Variants in MOGS observed in about 807,000 individuals in gnomAD.
The protein encoded by MOGS is mannosyl-oligosaccharide glucosidase.
In MOGS, 45 loss-of-function variants were observed where a neutral mutation model predicts 68.5. The ratio of observed to expected loss-of-function variants is 0.66; its 90% CI spans 0.52 to 0.84. MOGS has a LOEUF of 0.84. Ranked by LOEUF, MOGS falls within the 40% of genes least tolerant of loss-of-function variation. The pLI is 0.00. For missense variants in MOGS, 1,020 were observed against 1,095.0 expected (o/e 0.93, Z 0.97); for synonymous variants, 492 against 461.2 (o/e 1.07, Z -0.86).
At position 74,461,326 on chromosome 2, in the gene MOGS, A is replaced by G; in HGVS notation, c.2463T>C (p.Pro821=). The G allele has an allele frequency of 1.9e-6, 3 of 1,614,114 alleles. No individual in the cohort carries two copies. Among genetic ancestry groups the G allele is most frequent in the Non-Finnish European group, 2.5e-6 (3 of 1,180,040 alleles). ...AGACAAGGCTGGTCCAGCCGTGGAA[A>G]GGGCGGCAGCCCATGCCTCGCCCAT... ...DRDGRGMGCR[P]FHGWTSLVLL... is the part of the protein sequence containing the mutation. The change falls in exon 4 of 4, where the codon CCT becomes CCC. Residue 821 remains proline, a synonymous_variant. Transcript: ENST00000448666.
chr2:74,462,143 T>C lies in MOGS; in HGVS notation c.1646A>G (p.His549Arg). The C allele has an allele frequency of 1.2e-6, 2 of 1,614,000 alleles. No individual in the cohort carries two copies. The highest frequency in any genetic ancestry group is 1.3e-5 in the African/African-American group (1 of 75,042). ...TGGCAGTGGGCCTGCCTGGCTCTGA[T>C]GGAGCCAGGAAAACCAGGCATGCAG... ...PRLHAWFSWLHQSQAGPLPLS... is the reference protein window; with the variant it reads ...PRLHAWFSWLRQSQAGPLPLS... The change falls in exon 4 of 4, where the codon CAT becomes CGT. Residue 549 changes from histidine to arginine, a missense_variant. Transcript: ENST00000448666.
rs1244494488 is a variant in MOGS at position 74,465,079 on chromosome 2, T to C, written c.169A>G (p.Met57Val). 6.4e-7 allele frequency: 1 copy of C among 1,555,876 alleles called. No homozygotes were observed. The highest frequency in any genetic ancestry group is 2.4e-5 in the East Asian group (1 of 41,284). ...AVVVLSLALGMSGRWVLAWYR... is the reference protein window; with the variant it reads ...AVVVLSLALGVSGRWVLAWYR... Reference sequence around the variant, plus strand: ...CACGCCAGCACCCAGCGCCCCGACATACCCAGGGCCAAAGACAGGACCACG... The same window carrying C: ...CACGCCAGCACCCAGCGCCCCGACACACCCAGGGCCAAAGACAGGACCACG... Residue 57 changes from methionine to valine, a missense_variant, in exon 1 of 4, where the codon ATG becomes GTG. By Grantham distance (21) the Met-to-Val change is conservative (BLOSUM62 1). Around this residue, in one of 3 missense-constraint regions of MOGS, gnomAD observed 569 missense variants for 571.9 expected, o/e 0.99. Transcript: ENST00000448666.
chr2:74,463,133 G>A (rs1671975936), intron 3 of MOGS, 57 bp downstream of exon 3: 1 of 1,610,904 alleles, frequency 6.2e-7, no homozygotes. Flanking sequence ...CATGGAGACT[G>A]GTGAAAATGG....
In MOGS at chr2:74,463,472, G is replaced by T; in HGVS notation, c.580-86C>A. On this transcript the variant is annotated intron_variant, in intron 2 of 3. Transcript: ENST00000448666. ...CTCTTGAGAATCAGCCTTAGTGAGG[G>T]AAAGGAACAGTAGGCAGGGGTAATG... 4.3e-6 allele frequency: 6 copies of T among 1,383,086 alleles called. No individual in the cohort carries two copies. The South Asian group carries it at 7.1e-5, about 16-fold the overall frequency. The allele number at this position is 1,383,086 out of a possible 1,614,324, so 85.7% of individuals were successfully genotyped here.
rs764686742 is a variant in MOGS, at chr2:74,464,948, G to A, written c.300C>T (p.Arg100=). The change falls in exon 1 of 4, where the codon CGC becomes CGT. Residue 100 remains arginine (R), a synonymous_variant. Transcript: ENST00000448666. ...VAPDLFWGTY[R]PHVYFGMKTR... is the part of the protein sequence containing the mutation. ...TCTTCATGCCGAAGTAGACGTGAGG[G>A]CGGTAGGTTCCCCAGAAGAGGTCCG... 1 of 1,596,660 alleles carries A rather than the reference G, an allele frequency of 6.3e-7. No homozygotes were observed. The highest frequency in any genetic ancestry group is 2.3e-5 in the East Asian group (1 of 44,134).
In MOGS at chr2:74,461,589, AG is replaced by A. The variant is rs1273613137; in HGVS notation, c.2199del (p.Ser734ProfsTer59). The A allele has an allele frequency of 6.2e-7, 1 of 1,613,950 alleles. No individual in the cohort carries two copies. The highest frequency in any genetic ancestry group is 1.7e-5 in the Admixed American group (1 of 60,016). ...WSPFGLRSLA[A>X]SSSFYGQRNS... ...TTGCGCTGGCCATAAAAGGAGCTGGAGGCTGCAAGGGAGCGTAAACCAAAGG... is the reference window on the plus strand; with the variant it reads ...TTGCGCTGGCCATAAAAGGAGCTGGAGCTGCAAGGGAGCGTAAACCAAAGG... On this transcript the variant is annotated frameshift_variant, in exon 4 of 4. Coordinates refer to ENST00000448666, the MANE Select transcript of MOGS (RefSeq NM_006302.3). LOFTEE classifies it high-confidence loss of function.
Position 74,462,713 on chromosome 2 carries a change from T to C in MOGS, c.1076A>G (p.Gln359Arg). The stretch of plus-strand genomic sequence containing the variant: ...GCCTTCAGCATGGCTCTCCAGGGCC[T>C]GGGTCAGTAGACTGCCTGCCAGTCT... ...LPRLAGSLLT[Q>R]ALESHAEGFR... is the part of the protein sequence containing the mutation. The change falls in exon 4 of 4, where the codon CAG (glutamine) becomes CGG (arginine). Residue 359 changes from glutamine (Q) to arginine (R), a missense_variant. Physicochemically the swap from Gln to Arg is conservative, Grantham distance 43 (BLOSUM62 1). Transcript: ENST00000448666. The C allele has an allele frequency of 6.2e-7, 1 of 1,614,254 alleles. No individual in the cohort carries two copies.
At chr2:74,464,828 G>A in intron 1 of MOGS, 68 bp downstream of exon 1, 3 of 1,562,956 alleles carry the variant, frequency 1.9e-6, no homozygotes, top group Non-Finnish European at 2.6e-6. Context: ...TCCCACCCTT[G>A]CTCTCGCTTC....
chr2:74,461,764 C>T lies in MOGS; in HGVS notation c.2025G>A (p.Val675=), dbSNP rs1671913163. The T allele has an allele frequency of 6.2e-7, 1 of 1,614,220 alleles. No homozygotes were observed. Among genetic ancestry groups the T allele is most frequent in the Non-Finnish European group, 8.5e-7 (1 of 1,180,042 alleles). The stretch of plus-strand genomic sequence containing the variant: ...GCAGTTGAGGTTGGGGCCGACCCAC[C>T]ACCCGAACGAGCCCCTGAGGGGGCC... The part of the protein sequence containing the change: ...KPRPPQGLVR[V]VGRPQPQLQY... Residue 675 remains valine, a synonymous_variant, in exon 4 of 4, where the codon GTG becomes GTA. Coordinates refer to ENST00000448666, the MANE Select transcript of MOGS (RefSeq NM_006302.3).
rs753546673 is a variant in MOGS, at chr2:74,461,728, A to T, written c.2061T>A (p.Asp687Glu). 2 of 1,614,122 alleles carry T rather than the reference A, an allele frequency of 1.2e-6. No homozygotes were observed. Among genetic ancestry groups the T allele is most frequent in the African/African-American group, 2.7e-5 (2 of 74,940 alleles). The stretch of plus-strand genomic sequence containing the variant: ...GAAAAAGACTGACATAGCCAAGAGC[A>T]TCTACATACTGCAGTTGAGGTTGGG... ...GRPQPQLQYVDALGYVSLFPL... is the reference protein window; with the variant it reads ...GRPQPQLQYVEALGYVSLFPL... Residue 687 changes from aspartate to glutamate, a missense_variant, in exon 4 of 4, where the codon GAT becomes GAA. By Grantham distance (45) the Asp-to-Glu change is conservative (BLOSUM62 2). Transcript: ENST00000448666.
Position 74,462,618 on chromosome 2 carries a change from C to T in MOGS, c.1171G>A (p.Gly391Ser), listed in dbSNP as rs757124604. Residue 391 changes from glycine (G) to serine (S), a missense_variant, in exon 4 of 4, where the codon GGT becomes AGT. Coordinates refer to ENST00000448666, the MANE Select transcript of MOGS (RefSeq NM_006302.3). ...AGGAGGCCGCTGAGGGCAGCCTGACCCAAAACCTGCTCGCCAGAGCTCAGG... is the reference window on the plus strand; with the variant it reads ...AGGAGGCCGCTGAGGGCAGCCTGACTCAAAACCTGCTCGCCAGAGCTCAGG... ...KGLSSGEQVL[G>S]QAALSGLLGG... 6.2e-7 allele frequency: 1 copy of T among 1,614,172 alleles called. No homozygotes were observed.
At chr2:74,464,312 A>G (rs1459331984) in intron 2 of MOGS, 184 bp downstream of exon 2, 2 of 617,324 alleles carry the variant, frequency 3.2e-6, no homozygotes, top group Non-Finnish European at 5.7e-6. Context: ...TATTATCTAC[A>G]TTGTACATTT....
chr2:74,461,973 G>T lies in MOGS; in HGVS notation c.1816C>A (p.Leu606Met). 1 of 1,614,204 alleles carries T rather than the reference G, an allele frequency of 6.2e-7. No individual in the cohort carries two copies. The highest frequency in any genetic ancestry group is 1.3e-5 in the African/African-American group (1 of 75,042). ...AGCCGCGTCAGCACACGGGCACCCA[G>T]TGCCACCCAACATCGCAGGTCCAGG... The part of the protein sequence containing the change: ...RHLDLRCWVA[L>M]GARVLTRLAE... Residue 606 changes from leucine (L) to methionine (M), a missense_variant, in exon 4 of 4, where the codon CTG (leucine) becomes ATG (methionine). Physicochemically the swap from Leu to Met is conservative, Grantham distance 15. Around this residue, in one of 3 missense-constraint regions of MOGS, gnomAD observed 181 missense variants for 261.8 expected, o/e 0.69. Coordinates refer to ENST00000448666, the MANE Select transcript of MOGS (RefSeq NM_006302.3).
At chr2:74,464,819 C>G (rs1173397852) in intron 1 of MOGS, 77 bp downstream of exon 1, 2 of 1,559,374 alleles carry the variant, frequency 1.3e-6, no homozygotes, top group Admixed American at 1.8e-5. Context: ...TCCATTCCTT[C>G]CCACCCTTGC....
Position 74,465,225 on chromosome 2 carries a change from C to T in MOGS, c.23G>A (p.Arg8His). The T allele has an allele frequency of 6.9e-7, 1 of 1,446,328 alleles. No individual in the cohort carries two copies. The highest frequency in any genetic ancestry group is 9.0e-7 in the Non-Finnish European group (1 of 1,115,818). The allele number at this position is 1,446,328 out of a possible 1,614,324, so 89.6% of individuals were successfully genotyped here. A position where few individuals can be genotyped will look rare whatever the true frequency, so the allele number is the denominator to read the frequency against. MARGERR[R>H]RAVPAEGVRT... ...CACTCCCTCTGCCGGCACTGCGCGG[C>T]GCCGCCGCTCGCCCCGAGCCATCCT... Residue 8 changes from arginine (R) to histidine (H), a missense_variant, in exon 1 of 4, where the codon CGC becomes CAC. Coordinates refer to ENST00000448666, the MANE Select transcript of MOGS (RefSeq NM_006302.3).
intron 2 of MOGS, among the ~76,000 whole-genome samples, chr2:74,464,084 C>T (rs1368691955): frequency 6.6e-6 from 1 of 151,942 alleles, no homozygotes; most frequent in Non-Finnish European, 1.5e-5. Flanking sequence ...CTCAGCCTCC[C>T]AAGTAGCTTG....
chr2:74,463,346 A>C lies in MOGS; in HGVS notation c.620T>G (p.Phe207Cys), dbSNP rs1243749864. ...TTCCTTGCCATCTGTCACCACATAG[A>C]AGAACAGGGAGACCAAAGGGAGGGC... Reference protein sequence around the residue: ...TSALPLVSLFFYVVTDGKEVL... With the variant: ...TSALPLVSLFCYVVTDGKEVL... Residue 207 changes from phenylalanine (F) to cysteine (C), a missense_variant, in exon 3 of 4, where the codon TTC (phenylalanine) becomes TGC (cysteine). Physicochemically the swap from Phe to Cys is radical, Grantham distance 205. Transcript: ENST00000448666. The C allele has an allele frequency of 1.2e-6, 2 of 1,614,064 alleles. No homozygotes were observed. The highest frequency in any genetic ancestry group is 1.7e-6 in the Non-Finnish European group (2 of 1,180,044).
chr2:74,462,213 C>T lies in MOGS; in HGVS notation c.1576G>A (p.Gly526Ser). ...LLPVAHMLEVGDPDDLAFLRK... is the reference protein window; with the variant it reads ...LLPVAHMLEVSDPDDLAFLRK... ...AGGAAAGCCAAGTCGTCAGGGTCAC[C>T]AACCTCTAGCATATGGGCTACAGGC... Residue 526 changes from glycine (G) to serine (S), a missense_variant, in exon 4 of 4, where the codon GGT (glycine) becomes AGT (serine). Coordinates refer to ENST00000448666, the MANE Select transcript of MOGS (RefSeq NM_006302.3). 2.5e-6 allele frequency: 4 copies of T among 1,614,142 alleles called. No homozygotes were observed. Among genetic ancestry groups the T allele is most frequent in the Non-Finnish European group, 3.4e-6 (4 of 1,180,010 alleles).
intron 2 of MOGS, 71 bp downstream of exon 2, chr2:74,464,425 C>G (rs1216878575): frequency 4.7e-6 from 7 of 1,498,174 alleles, no homozygotes; most frequent in East Asian, 2.3e-5. Flanking sequence ...CCACTTCATG[C>G]TGCATTTGCT....
Sources: allele counts gnomAD v4.1 joint callset (sites outside exome capture counted in the v4.1 genomes callset), GRCh38; gene constraint gnomAD v4.1.1; regional missense constraint gnomAD v4.1.1; transcripts MANE v1.5; gene names NCBI Gene and HGNC (gene_info 2026-07-23, HGNC 2026-07-21).